The following ESYT2 variants were observed in gnomAD, a reference collection of about 807,000 sequenced individuals.
ESYT2 encodes the protein extended synaptotagmin 2.
A neutral mutation model predicts 107.2 loss-of-function variants in ESYT2; 54 were observed. That is an observed-to-expected ratio of 0.50 (90% CI 0.40 to 0.63). The LOEUF is 0.63. Ranked by LOEUF, ESYT2 falls within the 30% of genes least tolerant of loss-of-function variation. The pLI is 0.00. For missense variants in ESYT2, 1,020 were observed against 1,094.5 expected (o/e 0.93, Z 0.96); for synonymous variants, 491 against 434.1 (o/e 1.13, Z -1.63).
At chr7:158,824,467 A>C (rs61564073) in intron 1 of ESYT2, among the ~76,000 whole-genome samples, 16,643 of 152,216 alleles carry the variant, frequency 0.11, 947 homozygotes, top group African/African-American at 0.13. Context: ...ACAGTGCATT[A>C]TTTTCTTCTG....
chr7:158,748,071 C>T lies in ESYT2; in HGVS notation c.1644+123G>A. 7 of 826,542 alleles carry T rather than the reference C, an allele frequency of 8.5e-6. No homozygotes were observed. In the South Asian group the frequency reaches 1.2e-4, roughly 14 times the overall value. The allele number at this position is 826,542 out of a possible 1,614,324, so 51.2% of individuals were successfully genotyped here. ...GAGGCCCGGGTTACAGAGAGATCTACCAATTGTCCTGATTCTGGCGATGGA... is the reference window on the plus strand; with the variant it reads ...GAGGCCCGGGTTACAGAGAGATCTATCAATTGTCCTGATTCTGGCGATGGA... On this transcript the variant is annotated intron_variant, in intron 16 of 22. Coordinates refer to ENST00000275418, the MANE Select transcript of ESYT2 (RefSeq NM_001367773.1).
At chr7:158,787,772 A>C (rs1334733377) in intron 6 of ESYT2, among the ~76,000 whole-genome samples, 2 of 152,226 alleles carry the variant, frequency 1.3e-5, no homozygotes, top group Non-Finnish European at 2.9e-5. Flanking sequence ...GAAGAAGTCC[A>C]TGTTTCCAAA....
chr7:158,759,525 T>G lies in ESYT2; in HGVS notation c.1380A>C (p.Ala460=). 6.2e-7 allele frequency: 1 copy of G among 1,612,244 alleles called. No individual in the cohort carries two copies. The highest frequency in any genetic ancestry group is 8.5e-7 in the Non-Finnish European group (1 of 1,178,400). Residue 460 remains alanine, a synonymous_variant, in exon 13 of 23, where the codon GCA becomes GCC. Transcript: ENST00000275418. ...CTGAATCCAAGTACAAGATCAGCAA[T>G]GCAGAGGAAAGACCATCGTTGGCTT... ...KDQANDGLSS[A]LLILYLDSAR...
chr7:158,825,867 T>C (rs1390704328), intron 1 of ESYT2, among the ~76,000 whole-genome samples: 1 of 152,038 alleles, frequency 6.6e-6, no homozygotes, highest in Non-Finnish European at 1.5e-5. Flanking sequence ...CAAGCACCAA[T>C]GTATGTATGG....
intron 6 of ESYT2, among the ~76,000 whole-genome samples, chr7:158,780,120 T>C (rs755190508): frequency 1.2e-4 from 18 of 152,218 alleles, no homozygotes; most frequent in Non-Finnish European, 2.5e-4. Flanking sequence ...ACAATAAATG[T>C]CAATACTAGA....
At position 158,829,238 on chromosome 7, in the gene ESYT2, T is replaced by C. The variant is rs1840557468; in HGVS notation, c.181A>G (p.Ser61Gly). 1 of 1,528,784 alleles carries C rather than the reference T, an allele frequency of 6.5e-7. No homozygotes were observed. Among genetic ancestry groups the C allele is most frequent in the Non-Finnish European group, 8.7e-7 (1 of 1,146,112 alleles). The allele number at this position is 1,528,784 out of a possible 1,614,324, so 94.7% of individuals were successfully genotyped here. ...YALGYLGLSF[S>G]WVLLALALLA... The stretch of plus-strand genomic sequence containing the variant: ...AGCGCGAGCGCGAGGAGAACCCAGC[T>C]GAAGCTGAGCCCCAGGTAGCCCAGC... The change falls in exon 1 of 23, where the codon AGC becomes GGC. Residue 61 changes from serine (S) to glycine (G), a missense_variant. By Grantham distance (56) the Ser-to-Gly change is moderately conservative. Transcript: ENST00000275418.
rs150217683 is a variant in ESYT2, at chr7:158,742,272, A to G, written c.1795-376T>C. Among the ~76,000 whole-genome samples the G allele has an allele frequency of 4.9e-3, 741 of 152,222 alleles. 4 individuals are homozygous for G. The highest frequency in any genetic ancestry group is 8.0e-3 in the Non-Finnish European group (547 of 68,002). Reference sequence around the variant, plus strand: ...GCAGCAACAGGGCGGTGGCAGTGATAAGCCTGGTGTGGAAGGGCAGGCCAC... The same window carrying G: ...GCAGCAACAGGGCGGTGGCAGTGATGAGCCTGGTGTGGAAGGGCAGGCCAC... On this transcript the variant is annotated intron_variant, in intron 17 of 22. Transcript: ENST00000275418.
At chr7:158,822,938 T>C (rs568946265) in intron 1 of ESYT2, among the ~76,000 whole-genome samples, 1 of 152,276 alleles carries the variant, frequency 6.6e-6, no homozygotes, top group South Asian at 2.1e-4. Context: ...TTAGCTAGAA[T>C]TCCGTAAGCA....
At chr7:158,807,338 A>C (rs1287973516) in intron 1 of ESYT2, among the ~76,000 whole-genome samples, 3 of 151,844 alleles carry the variant, frequency 2.0e-5, no homozygotes, top group African/African-American at 7.3e-5. Flanking sequence ...CATCGGACTT[A>C]AAATTTATCT....
At chr7:158,784,678 AT>A (rs1839046382) in intron 6 of ESYT2, among the ~76,000 whole-genome samples, 2 of 152,188 alleles carry the variant, frequency 1.3e-5, no homozygotes, top group Admixed American at 1.3e-4. Flanking sequence ...AATATATGCT[AT>A]TTTTATGTTT....
chr7:158,781,475 TGTGA>T (rs1435009140), intron 6 of ESYT2, among the ~76,000 whole-genome samples: 5 of 147,668 alleles, frequency 3.4e-5, no homozygotes, highest in South Asian at 2.1e-4. Flanking sequence ...GTGTGAGAGG[TGTGA>T]GTGTGAAACA....
At position 158,829,261 on chromosome 7, in the gene ESYT2, A is replaced by T. The variant is rs1312073221; in HGVS notation, c.158T>A (p.Leu53Gln). ...GCTGAAGCTGAGCCCCAGGTAGCCC[A>T]GCGCGTACACGGGCAGCAGCAGCGC... ...SFALLLPVYA[L>Q]GYLGLSFSWV... The change falls in exon 1 of 23, where the codon CTG (leucine) becomes CAG (glutamine). Residue 53 changes from leucine (L) to glutamine (Q), a missense_variant. Coordinates refer to ENST00000275418, the MANE Select transcript of ESYT2 (RefSeq NM_001367773.1). The T allele has an allele frequency of 6.6e-7, 1 of 1,525,272 alleles. No individual in the cohort carries two copies. Among genetic ancestry groups the T allele is most frequent in the Non-Finnish European group, 8.7e-7 (1 of 1,144,796 alleles). 94.5% of individuals were successfully genotyped at this position (1,525,272 alleles called of 1,614,324 possible).
chr7:158,743,658 CTGG>C lies in ESYT2; in HGVS notation c.1662_1664del (p.His554del), dbSNP rs1837293258. The C allele has an allele frequency of 6.2e-7, 1 of 1,612,016 alleles. No homozygotes were observed. The highest frequency in any genetic ancestry group is 1.7e-5 in the Admixed American group (1 of 59,578). ...GGACCTTCAGGTTCCCCAGGGAACA[CTGG>C]TGCTGCTCGTCTCTGACCTGCAAAA... On this transcript the variant is annotated inframe_deletion, in exon 17 of 23. Coordinates refer to ENST00000275418, the MANE Select transcript of ESYT2 (RefSeq NM_001367773.1).
chr7:158,750,993 T>C (rs988080723), intron 14 of ESYT2, among the ~76,000 whole-genome samples: 5 of 152,222 alleles, frequency 3.3e-5, no homozygotes, highest in East Asian at 1.9e-4. Context: ...AAGTGCTCCT[T>C]AATTAATATA....
At position 158,766,225 on chromosome 7, in the gene ESYT2, G is replaced by A. The variant is rs114827825; in HGVS notation, c.925-1372C>T. 1.1e-4 allele frequency among the ~76,000 whole-genome samples: 16 copies of A among 152,190 alleles called. No homozygotes were observed. In the South Asian group the frequency reaches 3.3e-3, roughly 32 times the overall value. ...TCATTCAATCAGCACAGGAATACAT[G>A]TCCCCCCACAGAGGAACACACTTGG... is the stretch of plus-strand genomic sequence containing the variant. On this transcript the variant is annotated intron_variant, in intron 8 of 22. Coordinates refer to ENST00000275418, the MANE Select transcript of ESYT2 (RefSeq NM_001367773.1).
intron 17 of ESYT2, 110 bp from the exon 18 acceptor site, chr7:158,742,006 CA>C (rs1030887477): frequency 3.5e-4 from 456 of 1,302,656 alleles, no homozygotes; most frequent in Middle Eastern, 4.5e-4. Context: ...AAACTTAGCT[CA>C]AAAAAAAATT....
intron 6 of ESYT2, among the ~76,000 whole-genome samples, chr7:158,774,851 C>T (rs1584828131): frequency 1.3e-5 from 2 of 152,304 alleles, no homozygotes; most frequent in South Asian, 2.1e-4. Flanking sequence ...CTGCTCCATC[C>T]GCAGAGCTGT....
intron 1 of ESYT2, among the ~76,000 whole-genome samples, chr7:158,810,354 A>G (rs142739385): frequency 6.0e-4 from 92 of 152,372 alleles, no homozygotes; most frequent in African/African-American, 2.1e-3. Context: ...ACAAGAAATG[A>G]AACACTAATA....
intron 10 of ESYT2, 57 bp from the exon 11 acceptor site, chr7:158,761,601 C>G: frequency 6.7e-7 from 1 of 1,490,648 alleles, no homozygotes; most frequent in South Asian, 1.1e-5. Context: ...CTTACTGAAA[C>G]AACTTTAAAA....
Sources: gnomAD v4.1 joint callset for allele counts (sites outside exome capture counted in the v4.1 genomes callset) on GRCh38, gnomAD v4.1.1 for gene constraint, MANE v1.5 for transcripts, NCBI Gene and HGNC (gene_info 2026-07-23, HGNC 2026-07-21) for gene names.